The following HACD1 variants were observed in gnomAD, a reference collection of about 807,000 sequenced individuals.
HACD1 encodes the protein 3-hydroxyacyl-CoA dehydratase 1, also known as very-long-chain (3R)-3-hydroxyacyl-CoA dehydratase 1.
Under a neutral mutation model 32.0 loss-of-function variants are expected in HACD1, and 41 were observed. That is an observed-to-expected ratio of 1.28 (90% CI 1.00 to 1.66). The LOEUF is 1.66. Ranked by LOEUF, HACD1 falls within the 40% of genes most tolerant of loss-of-function variation. The pLI, the probability that HACD1 is intolerant of heterozygous loss-of-function variation, is 0.00. For missense variants in HACD1, 396 were observed against 380.1 expected, an observed-to-expected ratio of 1.04 and a Z score of -0.35; for synonymous variants, 142 against 139.0, an observed-to-expected ratio of 1.02 and a Z score of -0.15.
chr10:17,604,304 T>C (rs1411685724), intron 1 of HACD1, among the ~76,000 whole-genome samples: 1 of 151,760 alleles, frequency 6.6e-6, no homozygotes, highest in Admixed American at 6.6e-5. Context: ...GCTAACACGG[T>C]GAAACCCCGT....
chr10:17,604,855 G>A (rs1178592930), intron 1 of HACD1, among the ~76,000 whole-genome samples: 2 of 152,154 alleles, frequency 1.3e-5, no homozygotes, highest in South Asian at 2.1e-4. Context: ...ACAGGTGTGC[G>A]CCATCATATC....
chr10:17,615,985 C>T (rs1414182515), intron 1 of HACD1: 3 of 265,074 alleles, frequency 1.1e-5, no homozygotes, highest in Non-Finnish European at 2.3e-5. Flanking sequence ...AAATAAAATA[C>T]TGTCAGGGCG....
rs1833904355 is a variant in HACD1 at position 17,589,596 on chromosome 10, C to T, written c.*768G>A. The T allele has an allele frequency of 6.6e-6, 1 of 152,020 alleles. No individual in the cohort carries two copies. Among genetic ancestry groups the T allele is most frequent in the Admixed American group, 6.6e-5 (1 of 15,250 alleles). 9.4% of individuals were successfully genotyped at this position (152,020 alleles called of 1,614,324 possible). On this transcript the variant is annotated 3_prime_UTR_variant, in exon 7 of 7. Coordinates refer to ENST00000361271, the MANE Select transcript of HACD1 (RefSeq NM_014241.4). ...TGAGCTACCACTCCCAGCCTGAATA[C>T]AACATTATAGTCAGATGTCATGTTT...
intron 1 of HACD1, among the ~76,000 whole-genome samples, chr10:17,608,725 G>A (rs989456424): frequency 1.3e-5 from 2 of 151,394 alleles, no homozygotes; most frequent in African/African-American, 2.4e-5. Context: ...GACCTCAAGC[G>A]ATCTGCCTGC....
intron 1 of HACD1, among the ~76,000 whole-genome samples, chr10:17,605,531 A>AGG (rs1554816972): frequency 4.2e-4 from 63 of 151,444 alleles, no homozygotes; most frequent in African/African-American, 1.4e-3. Context: ...TCTCGGGAAA[A>AGG]AAAAAAAAAA....
chr10:17,593,402 G>C (rs967319060), intron 6 of HACD1, among the ~76,000 whole-genome samples: 7 of 151,144 alleles, frequency 4.6e-5, no homozygotes, highest in South Asian at 4.2e-4. Context: ...TGCAACTTCT[G>C]CCTCTCAGGT....
In HACD1 at chr10:17,609,155, G is replaced by GTTTTTTTTTTTTTTTT. The variant is rs56347429; in HGVS notation, c.258-5124_258-5109dup. 1.3e-3 allele frequency among the ~76,000 whole-genome samples: 166 copies of GTTTTTTTTTTTTTTTT among 132,102 alleles called. 1 individual carries two copies. Among genetic ancestry groups the GTTTTTTTTTTTTTTTT allele is most frequent in the African/African-American group, 4.4e-3 (155 of 34,886 alleles). 86.7% of individuals were successfully genotyped at this position (132,102 alleles called of 152,430 possible). A position where few individuals can be genotyped will look rare whatever the true frequency, so the allele number is the denominator to read the frequency against. ...ATTAAAGAAAAAAAATGTGCAAAAGGTTTTTTTTTTTTTTTTTGAGACAGA... is the reference window on the plus strand; with the variant it reads ...ATTAAAGAAAAAAAATGTGCAAAAGGTTTTTTTTTTTTTTTTTTTTTTTTTTTTTTTTTGAGACAGA... On this transcript the variant is annotated intron_variant, in intron 1 of 6. Transcript: ENST00000361271.
intron 6 of HACD1, among the ~76,000 whole-genome samples, chr10:17,593,858 C>T (rs1833960295): frequency 6.6e-6 from 1 of 152,162 alleles, no homozygotes; most frequent in Admixed American, 6.5e-5. Flanking sequence ...AGTGTTTATA[C>T]TCAGACATAT....
chr10:17,590,662 T>C (rs1554815499), intron 6 of HACD1, among the ~76,000 whole-genome samples: 1 of 152,116 alleles, frequency 6.6e-6, no homozygotes, highest in Non-Finnish European at 1.5e-5. Context: ...GGTTTTGTTT[T>C]TACTTTTGCT....
intron 6 of HACD1, among the ~76,000 whole-genome samples, chr10:17,593,931 T>TA (rs1230859028): frequency 6.6e-6 from 1 of 152,176 alleles, no homozygotes; most frequent in African/African-American, 2.4e-5. Context: ...TATCTTTCTT[T>TA]AAAAAAATCA....
Position 17,612,916 on chromosome 10 carries a change from G to A in HACD1, c.257+4167C>T, listed in dbSNP as rs542602117. The stretch of plus-strand genomic sequence containing the variant: ...CAGCTGGGTGATAGAGCAAGACTCC[G>A]TCTCAAAAAAAAAAAAACAAAAACA... On this transcript the variant is annotated intron_variant, in intron 1 of 6. Coordinates refer to ENST00000361271, the MANE Select transcript of HACD1 (RefSeq NM_014241.4). 5.8e-3 allele frequency among the ~76,000 whole-genome samples: 638 copies of A among 109,488 alleles called. 3 individuals are homozygous for A. Among genetic ancestry groups the A allele is most frequent in the African/African-American group, 0.022 (559 of 25,344 alleles). The allele number at this position is 109,488 out of a possible 152,430, so 71.8% of individuals were successfully genotyped here. A position where few individuals can be genotyped will look rare whatever the true frequency, so the allele number is the denominator to read the frequency against.
rs782463061 is a variant in HACD1 at position 17,599,337 on chromosome 10, GT to G, written c.557del (p.Tyr186SerfsTer43). On this transcript the variant is annotated frameshift_variant, in exon 5 of 7. Coordinates refer to ENST00000361271, the MANE Select transcript of HACD1 (RefSeq NM_014241.4). LOFTEE classifies it high-confidence loss of function. ...GCAAGTGGTCAAGAAGGCTGAATGTGTAGAAGGAATAGCGAGTGATCTCTGT... is the reference window on the plus strand; with the variant it reads ...GCAAGTGGTCAAGAAGGCTGAATGTGAGAAGGAATAGCGAGTGATCTCTGT... ...TVTEITRYSF[Y>X]TFSLLDHLPY... is the part of the protein sequence containing the mutation. 6.2e-7 allele frequency: 1 copy of G among 1,614,026 alleles called. No homozygotes were observed. The highest frequency in any genetic ancestry group is 1.7e-5 in the Admixed American group (1 of 60,002).
At chr10:17,606,925 C>T (rs1008811212) in intron 1 of HACD1, among the ~76,000 whole-genome samples, 2 of 152,108 alleles carry the variant, frequency 1.3e-5, no homozygotes, top group Admixed American at 6.6e-5. Context: ...TATCCTATTT[C>T]ACTACTGAGG....
intron 1 of HACD1, among the ~76,000 whole-genome samples, chr10:17,605,957 A>AAAAAG (rs1472866220): frequency 6.6e-6 from 1 of 152,088 alleles, no homozygotes; most frequent in Non-Finnish European, 1.5e-5. Context: ...CTGTCTCAAA[A>AAAAAG]AAAAGAAAAG....
At chr10:17,615,531 C>G (rs1249075409) in intron 1 of HACD1, 1 of 154,600 alleles carries the variant, frequency 6.5e-6, no homozygotes, top group East Asian at 1.9e-4. Flanking sequence ...TCTATAAACC[C>G]TGGAGAAAGT....
intron 4 of HACD1, among the ~76,000 whole-genome samples, chr10:17,601,327 C>T (rs1327535732): frequency 1.3e-5 from 2 of 152,218 alleles, no homozygotes; most frequent in African/African-American, 2.4e-5. Context: ...AGCCACCCCA[C>T]CCGCCCACCT....
chr10:17,592,425 T>C (rs1554815653), intron 6 of HACD1, among the ~76,000 whole-genome samples: 1 of 152,094 alleles, frequency 6.6e-6, no homozygotes, highest in East Asian at 1.9e-4. Flanking sequence ...AATTGATTTA[T>C]TACTAACATT....
At chr10:17,607,002 G>A (rs1269599068) in intron 1 of HACD1, among the ~76,000 whole-genome samples, 1 of 152,178 alleles carries the variant, frequency 6.6e-6, no homozygotes. Flanking sequence ...CCACTATGCT[G>A]TGTCGGTCTG....
chr10:17,596,046 C>T (rs577147628), intron 5 of HACD1, among the ~76,000 whole-genome samples: 184 of 152,172 alleles, frequency 1.2e-3, no homozygotes, highest in African/African-American at 4.3e-3. Context: ...AAAAGGTCAA[C>T]ATTTTGATGG....
Sources: allele counts gnomAD v4.1 joint callset (sites outside exome capture counted in the v4.1 genomes callset), GRCh38; gene constraint gnomAD v4.1.1; transcripts MANE v1.5; gene names NCBI Gene and HGNC (gene_info 2026-07-23, HGNC 2026-07-21).